Variants in KPNA3 observed in about 807,000 individuals in gnomAD.
The protein encoded by KPNA3 is importin subunit alpha-4.
In KPNA3, 13 loss-of-function variants were observed where a neutral mutation model predicts 73.8. The ratio of observed to expected loss-of-function variants is 0.18; its 90% CI spans 0.11 to 0.28. KPNA3 has a LOEUF of 0.28. Among genes scored for constraint, KPNA3 ranks in the 10% least tolerant of loss-of-function variants. The probability of loss-of-function intolerance (pLI) is 1.00; values close to 1 mark genes in which losing one functional copy is unlikely to be tolerated. For synonymous variants in KPNA3, 186 were observed against 206.9 expected (o/e 0.90, Z 0.87); for missense variants, 360 against 618.1 (o/e 0.58, Z 4.43).
At chr13:49,780,208 G>C (rs774605279) in intron 1 of KPNA3, among the ~76,000 whole-genome samples, 8 of 152,070 alleles carry the variant, frequency 5.3e-5, no homozygotes, top group Non-Finnish European at 8.8e-5. Context: ...CATAAATAAA[G>C]CTTTATTAGA....
chr13:49,706,036 A>G (rs372261511), intron 14 of KPNA3, 62 bp downstream of exon 14: 23 of 1,428,040 alleles, frequency 1.6e-5, no homozygotes, highest in Middle Eastern at 3.6e-4. Flanking sequence ...ACTACGAAAC[A>G]TAAGAGAGCA....
intron 1 of KPNA3, among the ~76,000 whole-genome samples, chr13:49,781,425 C>T (rs746356265): frequency 3.9e-5 from 6 of 152,100 alleles, no homozygotes; most frequent in African/African-American, 7.2e-5. Flanking sequence ...AAATGAAGAA[C>T]TCATTTTCTT....
rs1226548700 is a variant in KPNA3 at position 49,709,561 on chromosome 13, A to C, written c.1032+11T>G. 2.5e-6 allele frequency: 4 copies of C among 1,609,368 alleles called. No individual in the cohort carries two copies. The highest frequency in any genetic ancestry group is 3.4e-6 in the Non-Finnish European group (4 of 1,176,626). On this transcript the variant is annotated intron_variant, in intron 12 of 16. Coordinates refer to ENST00000261667, the MANE Select transcript of KPNA3 (RefSeq NM_002267.4). ...AAAGAAATAGCATAATGAGGACATT[A>C]TATGCCTTACCTTATTTATCTTCTC...
chr13:49,717,441 A>AAG (rs1954315011), intron 10 of KPNA3, among the ~76,000 whole-genome samples: 2 of 11,758 alleles, frequency 1.7e-4, no homozygotes, highest in Middle Eastern at 0.033. Flanking sequence ...GAAAAAAAAG[A>AAG]AAAAAAAAAA....
chr13:49,766,112 C>G (rs1430729001), intron 1 of KPNA3, among the ~76,000 whole-genome samples: 1 of 152,110 alleles, frequency 6.6e-6, no homozygotes, highest in Non-Finnish European at 1.5e-5. Context: ...AAAGTAGTTC[C>G]AAGAATTAAA....
In KPNA3 at chr13:49,762,920, T is replaced by TAAAAAAAA. The variant is rs374167946; in HGVS notation, c.70-15928_70-15927insTTTTTTTT. The stretch of plus-strand genomic sequence containing the variant: ...AATAAAGTTTACACCAAGGCTGGCT[T>TAAAAAAAA]AAAAAACAAAAAAAGAAGAGGAGAG... On this transcript the variant is annotated intron_variant, in intron 1 of 16. Transcript: ENST00000261667. Among the ~76,000 whole-genome samples, 240 of 125,402 alleles carry TAAAAAAAA rather than the reference T, an allele frequency of 1.9e-3. 5 individuals are homozygous for TAAAAAAAA. Among genetic ancestry groups the TAAAAAAAA allele is most frequent in the African/African-American group, 5.0e-3 (177 of 35,478 alleles). The allele number at this position is 125,402 out of a possible 152,430, so 82.3% of individuals were successfully genotyped here. A position where few individuals can be genotyped will look rare whatever the true frequency, so the allele number is the denominator to read the frequency against.
chr13:49,740,730 A>G (rs1045294630), intron 2 of KPNA3, among the ~76,000 whole-genome samples: 5 of 152,252 alleles, frequency 3.3e-5, no homozygotes, highest in South Asian at 2.1e-4. Context: ...ACCATGTTCT[A>G]CAGTAAAGGT....
At chr13:49,741,113 A>G (rs1954569950) in intron 2 of KPNA3, among the ~76,000 whole-genome samples, 1 of 152,150 alleles carries the variant, frequency 6.6e-6, no homozygotes, top group Non-Finnish European at 1.5e-5. Context: ...GAGTGCAGGT[A>G]TCTCTTCAAC....
In KPNA3 at chr13:49,710,552, C is replaced by T. The variant is rs1954250590; in HGVS notation, c.903+339G>A. Among the ~76,000 whole-genome samples, 3 of 152,324 alleles carry T rather than the reference C, an allele frequency of 2.0e-5. No homozygotes were observed. In the South Asian group the frequency reaches 6.2e-4, roughly 32 times the overall value. ...GAATTGCAAGGAGGAATCAAAATTTCTAGCTTAGGCCATGCTGTTCACTGA... is the reference window on the plus strand; with the variant it reads ...GAATTGCAAGGAGGAATCAAAATTTTTAGCTTAGGCCATGCTGTTCACTGA... On this transcript the variant is annotated intron_variant, in intron 11 of 16. Coordinates refer to ENST00000261667, the MANE Select transcript of KPNA3 (RefSeq NM_002267.4).
chr13:49,772,671 C>T (rs1342558183), intron 1 of KPNA3, among the ~76,000 whole-genome samples: 4 of 151,986 alleles, frequency 2.6e-5, no homozygotes, highest in Non-Finnish European at 5.9e-5. Context: ...GGCATGGTGG[C>T]GCACGTCTGT....
intron 6 of KPNA3, among the ~76,000 whole-genome samples, chr13:49,726,179 A>G (rs879599100): frequency 6.6e-6 from 1 of 152,198 alleles, no homozygotes; most frequent in East Asian, 1.9e-4. Flanking sequence ...TCTCACTTTA[A>G]CCACTATCAC....
chr13:49,740,239 C>T (rs1954560893), intron 2 of KPNA3, among the ~76,000 whole-genome samples: 2 of 150,950 alleles, frequency 1.3e-5, no homozygotes, highest in South Asian at 2.1e-4. Context: ...AGAATGAGAC[C>T]CCATCTCAGA....
At chr13:49,778,957 G>A (rs1484906728) in intron 1 of KPNA3, among the ~76,000 whole-genome samples, 1 of 152,110 alleles carries the variant, frequency 6.6e-6, no homozygotes, top group East Asian at 1.9e-4. Flanking sequence ...AAAAACAAGT[G>A]ATTTTTGATT....
chr13:49,738,337 A>G (rs148946090), intron 2 of KPNA3, among the ~76,000 whole-genome samples: 2 of 152,194 alleles, frequency 1.3e-5, no homozygotes, highest in Non-Finnish European at 2.9e-5. Context: ...TAGCTATTCT[A>G]GAGACTGTGT....
chr13:49,752,248 C>T (rs528798116), intron 1 of KPNA3, among the ~76,000 whole-genome samples: 1 of 152,092 alleles, frequency 6.6e-6, no homozygotes, highest in Non-Finnish European at 1.5e-5. Context: ...CAGAGCCAGA[C>T]CTCAGAAAAT....
chr13:49,770,784 T>A (rs1232110966), intron 1 of KPNA3, among the ~76,000 whole-genome samples: 8 of 147,078 alleles, frequency 5.4e-5, no homozygotes, highest in African/African-American at 2.0e-4. Context: ...TCCTTCCTTG[T>A]AATACTGTTT....
At chr13:49,727,914 G>A (rs1954425418) in intron 6 of KPNA3, among the ~76,000 whole-genome samples, 1 of 152,104 alleles carries the variant, frequency 6.6e-6, no homozygotes, top group Admixed American at 6.5e-5. Flanking sequence ...AGAAATCAGC[G>A]GTTTACAAAT....
intron 1 of KPNA3, among the ~76,000 whole-genome samples, chr13:49,767,185 G>A (rs1954815530): frequency 2.6e-5 from 4 of 151,978 alleles, no homozygotes; most frequent in Admixed American, 1.3e-4. Flanking sequence ...GGGAGGCCGA[G>A]GTGGGCGGAT....
intron 10 of KPNA3, among the ~76,000 whole-genome samples, chr13:49,712,412 A>G (rs2137536639): frequency 6.6e-6 from 1 of 152,324 alleles, no homozygotes; most frequent in Middle Eastern, 3.4e-3. Flanking sequence ...ATTCTCAGCA[A>G]AAAAACCCGA....
Sources: gnomAD v4.1 joint callset for allele counts (sites outside exome capture counted in the v4.1 genomes callset) on GRCh38, gnomAD v4.1.1 for gene constraint, MANE v1.5 for transcripts, NCBI Gene and HGNC (gene_info 2026-07-23, HGNC 2026-07-21) for gene names.